The following NBAS variants were observed in gnomAD, a reference collection of about 807,000 sequenced individuals.
The protein encoded by NBAS is NBAS subunit of NRZ tethering complex.
Under a neutral mutation model 302.5 loss-of-function variants are expected in NBAS, and 219 were observed. The ratio of observed to expected loss-of-function variants is 0.72; its 90% confidence interval spans 0.65 to 0.81. The LOEUF (loss-of-function observed/expected upper bound fraction) is 0.81, where lower values mean the gene tolerates loss of function less well. Among genes scored for constraint, NBAS ranks in the 30% least tolerant of loss-of-function variants. The probability of loss-of-function intolerance (pLI) is 0.00; values close to 1 mark genes in which losing one functional copy is unlikely to be tolerated. For synonymous variants in NBAS, 1,118 were observed against 1,021.6 expected, an observed-to-expected ratio of 1.09 and a Z score of -1.80; for missense variants, 2,932 against 2,841.6, an observed-to-expected ratio of 1.03 and a Z score of -0.72.
chr2:15,304,092 A>T (rs1670926235), intron 40 of NBAS, among the ~76,000 whole-genome samples: 1 of 152,150 alleles, frequency 6.6e-6, no homozygotes, highest in Non-Finnish European at 1.5e-5. Context: ...TTGTGTCCCC[A>T]CCCAAACCTC....
chr2:15,268,959 C>T (rs1210798684), intron 44 of NBAS, among the ~76,000 whole-genome samples: 1 of 152,156 alleles, frequency 6.6e-6, no homozygotes, highest in African/African-American at 2.4e-5. Flanking sequence ...GGGAGAAGCA[C>T]GCAGCAAAGA....
At chr2:15,387,466 A>G (rs1675360908) in intron 28 of NBAS, among the ~76,000 whole-genome samples, 1 of 152,214 alleles carries the variant, frequency 6.6e-6, no homozygotes, top group African/African-American at 2.4e-5. Flanking sequence ...ACTTTAAATG[A>G]TGACAATATA....
At chr2:15,029,553 C>A in the NBAS span, among the ~76,000 whole-genome samples, 2 of 152,260 alleles carry the variant, frequency 1.3e-5, no homozygotes, top group Middle Eastern at 3.4e-3. Context: ...TCGGAAGAAA[C>A]CCATTACGGG....
chr2:15,160,215 GAGACCAGGT>G, the NBAS span, among the ~76,000 whole-genome samples: 1 of 152,104 alleles, frequency 6.6e-6, no homozygotes, highest in Non-Finnish European at 1.5e-5. Context: ...GAGAGGTAAG[GAGACCAGGT>G]AGAAAATGCC....
At chr2:15,266,396 T>C (rs1669078344) in intron 44 of NBAS, among the ~76,000 whole-genome samples, 1 of 152,068 alleles carries the variant, frequency 6.6e-6, no homozygotes, top group South Asian at 2.1e-4. Flanking sequence ...ACTACATTTT[T>C]CTTGTCTGTC....
intron 45 of NBAS, among the ~76,000 whole-genome samples, chr2:15,235,779 T>C (rs112624409): frequency 0.011 from 1,676 of 152,240 alleles, 33 homozygotes; most frequent in African/African-American, 0.038. Context: ...CTGACAGTTG[T>C]TGAAGCTGGG....
intron 21 of NBAS, among the ~76,000 whole-genome samples, chr2:15,440,350 C>A (rs185739761): frequency 6.6e-5 from 10 of 152,172 alleles, no homozygotes; most frequent in Non-Finnish European, 1.3e-4. Context: ...TCGCGGTTCA[C>A]GAAAAACCGC....
intron 11 of NBAS, among the ~76,000 whole-genome samples, chr2:15,499,540 C>T (rs768216739): frequency 6.6e-6 from 1 of 152,098 alleles, no homozygotes; most frequent in Non-Finnish European, 1.5e-5. Context: ...CATGTTCTTA[C>T]TTATAAGTAG....
At chr2:14,865,389 G>A in the NBAS span, among the ~76,000 whole-genome samples, 22 of 152,056 alleles carry the variant, frequency 1.4e-4, no homozygotes, top group East Asian at 3.9e-4. Context: ...GAAATCTCTC[G>A]GAGACAAAAG....
chr2:14,931,981 T>C, the NBAS span, among the ~76,000 whole-genome samples: 2 of 152,218 alleles, frequency 1.3e-5, no homozygotes, highest in Non-Finnish European at 2.9e-5. Context: ...TGACAGCCCA[T>C]CATTTTTAGT....
the NBAS span, among the ~76,000 whole-genome samples, chr2:14,990,883 C>A: frequency 6.6e-6 from 1 of 152,206 alleles, no homozygotes; most frequent in African/African-American, 2.4e-5. Context: ...TCGCTCACAG[C>A]CTAGAGGAAA....
intron 41 of NBAS, among the ~76,000 whole-genome samples, 155 bp downstream of exon 41, chr2:15,292,382 C>T (rs975083628): frequency 1.3e-5 from 2 of 152,198 alleles, no homozygotes; most frequent in Non-Finnish European, 2.9e-5. Flanking sequence ...AGAAGGCACA[C>T]ATCCCACATA....
At chr2:15,499,380 C>T (rs1337748593) in intron 11 of NBAS, among the ~76,000 whole-genome samples, 2 of 152,156 alleles carry the variant, frequency 1.3e-5, no homozygotes, top group Non-Finnish European at 2.9e-5. Context: ...CAGTGATAGA[C>T]TGAATAAAGA....
chr2:15,368,847 C>A (rs1674347939), intron 31 of NBAS, among the ~76,000 whole-genome samples: 1 of 152,190 alleles, frequency 6.6e-6, no homozygotes, highest in Non-Finnish European at 1.5e-5. Flanking sequence ...TGTGACAAGA[C>A]CGTGTCTCAA....
intron 9 of NBAS, among the ~76,000 whole-genome samples, chr2:15,525,223 C>G (rs2148666611): frequency 6.6e-6 from 1 of 152,256 alleles, no homozygotes; most frequent in East Asian, 1.9e-4. Flanking sequence ...TGTTGCCTGC[C>G]AGGTATCCCT....
At chr2:15,202,371 T>C (rs1312737060) in intron 48 of NBAS, among the ~76,000 whole-genome samples, 1 of 152,214 alleles carries the variant, frequency 6.6e-6, no homozygotes, top group Non-Finnish European at 1.5e-5. Context: ...TGACTAAATA[T>C]ATTTTATGAA....
intron 44 of NBAS, among the ~76,000 whole-genome samples, chr2:15,243,984 A>G (rs1407147002): frequency 6.6e-6 from 1 of 152,200 alleles, no homozygotes; most frequent in Admixed American, 6.5e-5. Flanking sequence ...AATTCTTTCA[A>G]TTGGACAAAA....
At chr2:15,226,471 T>C (rs1183864811) in intron 47 of NBAS, among the ~76,000 whole-genome samples, 1 of 152,228 alleles carries the variant, frequency 6.6e-6, no homozygotes, top group African/African-American at 2.4e-5. Flanking sequence ...AAATATGATG[T>C]TATAAATACA....
At chr2:15,505,496 G>T (rs1661802457) in intron 10 of NBAS, among the ~76,000 whole-genome samples, 1 of 152,030 alleles carries the variant, frequency 6.6e-6, no homozygotes, top group Non-Finnish European at 1.5e-5. Flanking sequence ...GGAAGCAAAG[G>T]GGCAAATGTA....
Sources: allele counts gnomAD v4.1 joint callset (sites outside exome capture counted in the v4.1 genomes callset), GRCh38; gene constraint gnomAD v4.1.1; transcripts MANE v1.5; gene names NCBI Gene and HGNC (gene_info 2026-07-23, HGNC 2026-07-21).